DGKB: variants seen among roughly 807,000 people sequenced by gnomAD.
DGKB encodes diacylglycerol kinase beta.
In DGKB, 67 loss-of-function variants were observed where a neutral mutation model predicts 114.3. That is an observed-to-expected ratio of 0.59 (90% CI 0.48 to 0.72). The LOEUF (loss-of-function observed/expected upper bound fraction) is 0.72. Among genes scored for constraint, DGKB ranks in the 30% least tolerant of loss-of-function variants. DGKB has a pLI of 0.00. For missense variants in DGKB, 907 were observed against 975.2 expected, an observed-to-expected ratio of 0.93 and a Z score of 0.93; for synonymous variants, 398 against 323.1, an observed-to-expected ratio of 1.23 and a Z score of -2.49.
chr7:14,579,395 T>G (rs987970168), intron 19 of DGKB, among the ~76,000 whole-genome samples: 1 of 152,188 alleles, frequency 6.6e-6, no homozygotes. Flanking sequence ...TATGGACTTC[T>G]TTAACAAATT....
intron 25 of DGKB, chr7:14,176,277 C>G: frequency 1.1e-6 from 1 of 943,340 alleles, no homozygotes; most frequent in Non-Finnish European, 1.3e-6. Flanking sequence ...ATAAAATATT[C>G]ACTATGCAAA....
At chr7:14,806,858 C>A (rs904352119) in intron 2 of DGKB, among the ~76,000 whole-genome samples, 16 of 152,004 alleles carry the variant, frequency 1.1e-4, no homozygotes, top group Middle Eastern at 3.4e-3. Context: ...ATAACCTAGG[C>A]CCAGAAAATT....
At chr7:14,906,650 A>G (rs1252053211), upstream of DGKB, among the ~76,000 whole-genome samples, 1 of 151,732 alleles carries the variant, frequency 6.6e-6, no homozygotes. Flanking sequence ...ACAGGGTTTC[A>G]CCATGTTGGT....
chr7:14,574,387 A>C lies in DGKB; in HGVS notation c.1610-15T>G, dbSNP rs754041875. 6.3e-7 allele frequency: 1 copy of C among 1,598,890 alleles called. No individual in the cohort carries two copies. Among genetic ancestry groups the C allele is most frequent in the South Asian group, 1.1e-5 (1 of 88,232 alleles). On this transcript the variant is annotated splice_polypyrimidine_tract_variant and intron_variant, in intron 19 of 25. Transcript: ENST00000402815. The stretch of plus-strand genomic sequence containing the variant: ...ACCTTCGTAACCTAGTGGGAAAAAA[A>C]AATACCTTGAGAAAAGAACTCTAAC...
At chr7:14,556,944 T>C (rs1795961212) in intron 20 of DGKB, among the ~76,000 whole-genome samples, 1 of 152,202 alleles carries the variant, frequency 6.6e-6, no homozygotes, top group Non-Finnish European at 1.5e-5. Context: ...TGCCACCAAG[T>C]TTAGTAGTTC....
chr7:14,860,472 C>A (rs576819077), intron 1 of DGKB, among the ~76,000 whole-genome samples: 7 of 151,736 alleles, frequency 4.6e-5, no homozygotes, highest in Non-Finnish European at 1.5e-5. Flanking sequence ...TCATGAAGGG[C>A]AGACAAAACC....
At chr7:14,471,587 T>C (rs1781406227) in intron 21 of DGKB, among the ~76,000 whole-genome samples, 1 of 151,392 alleles carries the variant, frequency 6.6e-6, no homozygotes, top group Non-Finnish European at 1.5e-5. Context: ...CAGGGATTTA[T>C]GTTAAAGAAT....
At chr7:14,924,035 G>T (rs573182404) in intron 1 of DGKB, among the ~76,000 whole-genome samples, 2 of 140,870 alleles carry the variant, frequency 1.4e-5, no homozygotes, top group East Asian at 4.9e-4. Flanking sequence ...TAAAGTTTCT[G>T]AATATGACCT....
chr7:14,861,717 T>G (rs894708049), intron 1 of DGKB, among the ~76,000 whole-genome samples: 5 of 151,996 alleles, frequency 3.3e-5, no homozygotes, highest in African/African-American at 1.2e-4. Context: ...GAAATCATAC[T>G]CTATTTATTT....
chr7:14,710,761 T>C (rs1056591855), intron 6 of DGKB, among the ~76,000 whole-genome samples: 1 of 152,150 alleles, frequency 6.6e-6, no homozygotes, highest in East Asian at 1.9e-4. Flanking sequence ...AATACTTTTA[T>C]GATTTTCTTC....
At chr7:14,418,958 T>C (rs926885781) in intron 21 of DGKB, among the ~76,000 whole-genome samples, 6 of 151,872 alleles carry the variant, frequency 4.0e-5, no homozygotes, top group Non-Finnish European at 8.8e-5. Flanking sequence ...TTTATAAACA[T>C]TCACAATATT....
At chr7:14,210,070 G>T (rs1304577726) in intron 23 of DGKB, among the ~76,000 whole-genome samples, 1 of 152,060 alleles carries the variant, frequency 6.6e-6, no homozygotes, top group African/African-American at 2.4e-5. Flanking sequence ...GAACATCTGT[G>T]TTGGGGGGAT....
At chr7:14,721,306 G>A (rs1038364264) in intron 5 of DGKB, among the ~76,000 whole-genome samples, 4 of 152,180 alleles carry the variant, frequency 2.6e-5, no homozygotes, top group African/African-American at 4.8e-5. Context: ...AATTGAGAAC[G>A]TAAGGATCAC....
At chr7:14,904,870 A>G (rs1292444386), upstream of DGKB, among the ~76,000 whole-genome samples, 1 of 152,194 alleles carries the variant, frequency 6.6e-6, no homozygotes, top group African/African-American at 2.4e-5. Context: ...AAGTAGGCAC[A>G]AGAAGTCTCT....
At chr7:14,287,244 T>C (rs1469883043) in intron 23 of DGKB, among the ~76,000 whole-genome samples, 2 of 152,246 alleles carry the variant, frequency 1.3e-5, no homozygotes, top group South Asian at 2.1e-4. Flanking sequence ...ATTTTAAAAA[T>C]TGAAACTAGA....
intron 5 of DGKB, among the ~76,000 whole-genome samples, chr7:14,725,127 C>T (rs1400693515): frequency 6.6e-6 from 1 of 152,166 alleles, no homozygotes. Context: ...GCTATGATCA[C>T]ACCACTGCAG....
chr7:14,904,466 G>C (rs1411528087), upstream of DGKB, among the ~76,000 whole-genome samples: 1 of 152,006 alleles, frequency 6.6e-6, no homozygotes, highest in African/African-American at 2.4e-5. Context: ...GAAAATATAA[G>C]AAAAGACCCA....
chr7:14,351,609 G>A (rs1190077958), intron 21 of DGKB, among the ~76,000 whole-genome samples: 1 of 152,004 alleles, frequency 6.6e-6, no homozygotes, highest in Non-Finnish European at 1.5e-5. Context: ...TTTTTGATTG[G>A]CAACTATAAA....
At chr7:14,938,375 T>A (rs1785384724) in intron 1 of DGKB, among the ~76,000 whole-genome samples, 1 of 152,194 alleles carries the variant, frequency 6.6e-6, no homozygotes, top group African/African-American at 2.4e-5. Context: ...GATGGACTGA[T>A]AACAGATAAG....
Sources: gnomAD v4.1 joint callset for allele counts (sites outside exome capture counted in the v4.1 genomes callset) on GRCh38, gnomAD v4.1.1 for gene constraint, MANE v1.5 for transcripts, NCBI Gene and HGNC (gene_info 2026-07-23, HGNC 2026-07-21) for gene names.